Variants in AXIN1 observed in about 807,000 individuals in gnomAD.
AXIN1 encodes the protein axin 1, also known as axin-1.
A neutral mutation model predicts 76.4 loss-of-function variants in AXIN1; 30 were observed. That is an observed-to-expected ratio of 0.39 (90% confidence interval 0.29 to 0.53). The LOEUF (loss-of-function observed/expected upper bound fraction) is 0.53, where lower values mean the gene tolerates loss of function less well. Among genes scored for constraint, AXIN1 ranks in the 20% least tolerant of loss-of-function variants. The probability of loss-of-function intolerance (pLI) is 0.66; values close to 1 mark genes in which losing one functional copy is unlikely to be tolerated. For synonymous variants in AXIN1, 545 were observed against 501.4 expected, an observed-to-expected ratio of 1.09 and a Z score of -1.16; for missense variants, 1,140 against 1,198.8, an observed-to-expected ratio of 0.95 and a Z score of 0.72.
intron 4 of AXIN1, among the ~76,000 whole-genome samples, chr16:307,056 C>T (rs2053047050): frequency 6.6e-6 from 1 of 152,220 alleles, no homozygotes; most frequent in South Asian, 2.1e-4. Context: ...GTGGGAGTGG[C>T]ACACACAGGA....
At chr16:308,039 T>C (rs543249509) in intron 4 of AXIN1, among the ~76,000 whole-genome samples, 1 of 152,316 alleles carries the variant, frequency 6.6e-6, no homozygotes, top group Non-Finnish European at 1.5e-5. Flanking sequence ...GAGCCTCCGA[T>C]GAGGTTGTTT....
At chr16:333,810 C>G (rs1001087360) in intron 2 of AXIN1, among the ~76,000 whole-genome samples, 2 of 151,978 alleles carry the variant, frequency 1.3e-5, no homozygotes, top group African/African-American at 2.4e-5. Context: ...CACGAGGTAC[C>G]ACAGCATGCC....
chr16:290,883 T>C (rs1198647529), intron 9 of AXIN1: 1 of 479,776 alleles, frequency 2.1e-6, no homozygotes, highest in African/African-American at 2.0e-5. Flanking sequence ...CGCAGGCAGG[T>C]CTCTGCCCCA....
At chr16:341,237 G>A (rs2053912058) in intron 2 of AXIN1, among the ~76,000 whole-genome samples, 1 of 152,274 alleles carries the variant, frequency 6.6e-6, no homozygotes, top group Non-Finnish European at 1.5e-5. Flanking sequence ...GCCGGAGCCG[G>A]CTCCCTCAGC....
chr16:295,373 G>C lies in AXIN1; in HGVS notation c.1956-1655C>G, dbSNP rs553385879. Among the ~76,000 whole-genome samples, 572 of 151,966 alleles carry C rather than the reference G, an allele frequency of 3.8e-3. 4 individuals are homozygous for C. Among genetic ancestry groups the C allele is most frequent in the Non-Finnish European group, 6.4e-3 (435 of 67,984 alleles). On this transcript the variant is annotated intron_variant, in intron 7 of 10. Transcript: ENST00000262320. ...GATCCACCTGCCTCGGCCTCCCAAA[G>C]TGCTGGGATGAGGCTTCTTTTTTTA...
intron 5 of AXIN1, among the ~76,000 whole-genome samples, chr16:304,029 A>G (rs980180864): frequency 6.6e-6 from 1 of 152,194 alleles, no homozygotes; most frequent in African/African-American, 2.4e-5. Flanking sequence ...GATCAGGTAC[A>G]CAGCAGGCAG....
At chr16:309,203 G>A (rs1028519968) in intron 4 of AXIN1, among the ~76,000 whole-genome samples, 47 of 151,992 alleles carry the variant, frequency 3.1e-4, no homozygotes, top group African/African-American at 1.1e-3. Flanking sequence ...GGTGGCAGGC[G>A]CCTGTACTCC....
intron 2 of AXIN1, among the ~76,000 whole-genome samples, chr16:335,630 C>A (rs1470791668): frequency 6.6e-6 from 1 of 151,924 alleles, no homozygotes; most frequent in Non-Finnish European, 1.5e-5. Context: ...CACCCAATAA[C>A]AGCACCCAGT....
In AXIN1 at chr16:297,784, C is replaced by T. The variant is rs375778322; in HGVS notation, c.1722G>A (p.Arg574=). 12 of 1,572,560 alleles carry T rather than the reference C, an allele frequency of 7.6e-6. No individual in the cohort carries two copies. In the African/African-American group the frequency reaches 1.1e-4, roughly 14 times the overall value. The change falls in exon 6 of 11, where the codon AGG becomes AGA. Residue 574 remains arginine (R), a synonymous_variant. Coordinates refer to ENST00000262320, the MANE Select transcript of AXIN1 (RefSeq NM_003502.4). Reference sequence around the variant, plus strand: ...CAACACTCTCTGAGTAGCCTCGGGACCTTGCCCCATGGCTGTGTGGTTCCA... The same window carrying T: ...CAACACTCTCTGAGTAGCCTCGGGATCTTGCCCCATGGCTGTGTGGTTCCA... ...WGLEPHSHGA[R]SRGYSESVGA... is the part of the protein sequence containing the mutation.
Position 287,934 on chromosome 16 carries a change from A to G in AXIN1, c.*188T>C, listed in dbSNP as rs887245612. On this transcript the variant is annotated 3_prime_UTR_variant, in exon 11 of 11. Coordinates refer to ENST00000262320, the MANE Select transcript of AXIN1 (RefSeq NM_003502.4). ...TGGTCCAGGCTGCCTCCTTGGGGGC[A>G]GGACAGAAGCTTGTGGACCACTTGG... The G allele has an allele frequency of 2.2e-6, 2 of 925,476 alleles. No individual in the cohort carries two copies. The highest frequency in any genetic ancestry group is 3.4e-6 in the Non-Finnish European group (2 of 591,180). The allele number at this position is 925,476 out of a possible 1,614,324, so 57.3% of individuals were successfully genotyped here. A position where few individuals can be genotyped will look rare whatever the true frequency, so the allele number is the denominator to read the frequency against.
intron 10 of AXIN1, among the ~76,000 whole-genome samples, chr16:288,599 C>G (rs1022992998): frequency 5.9e-5 from 9 of 152,340 alleles, no homozygotes; most frequent in Non-Finnish European, 1.2e-4. Flanking sequence ...CCAACTGGGG[C>G]CCTCCCTCAG....
intron 2 of AXIN1, among the ~76,000 whole-genome samples, chr16:327,400 G>A (rs1464292439): frequency 6.6e-6 from 1 of 152,244 alleles, no homozygotes; most frequent in Non-Finnish European, 1.5e-5. Flanking sequence ...CAGGCACCAG[G>A]CAGGAGCTTC....
intron 1 of AXIN1, 66 bp downstream of exon 1, chr16:352,303 C>A (rs1418169325): frequency 2.0e-5 from 19 of 927,982 alleles, no homozygotes; most frequent in Non-Finnish European, 2.3e-5. Context: ...CGCCCCCCGC[C>A]GCTTCCGGGT....
At chr16:334,262 T>C (rs1143873) in intron 2 of AXIN1, among the ~76,000 whole-genome samples, 144,527 of 144,854 alleles carry the variant, frequency 1, 72,103 homozygotes, top group Middle Eastern at 1. Flanking sequence ...AGTACCACAG[T>C]ACACCAATAA....
In AXIN1 at chr16:298,132, C is replaced by T. The variant is rs994094846; in HGVS notation, c.1374G>A (p.Gly458=). 1.9e-6 allele frequency: 3 copies of T among 1,543,868 alleles called. No homozygotes were observed. Among genetic ancestry groups the T allele is most frequent in the Non-Finnish European group, 2.6e-6 (3 of 1,147,866 alleles). The part of the protein sequence containing the change: ...PPRCVDMGCA[G]LRDAHEENPE... ...GGTTCTCCTCGTGTGCATCCCGGAG[C>T]CCGGCACAGCCCATGTCCACACAGC... is the stretch of plus-strand genomic sequence containing the variant. Residue 458 remains glycine, a synonymous_variant, in exon 6 of 11, where the codon GGG becomes GGA. Transcript: ENST00000262320.
rs115384594 is a variant in AXIN1 at position 347,646 on chromosome 16, T to C, written c.-81-540A>G. On this transcript the variant is annotated intron_variant, in intron 1 of 10. Transcript: ENST00000262320. ...CCACGTCCTCCAGGCCCACGGCCACTGTTTTCTACCTGCTGCATCACGTCA... is the reference window on the plus strand; with the variant it reads ...CCACGTCCTCCAGGCCCACGGCCACCGTTTTCTACCTGCTGCATCACGTCA... 3.5e-3 allele frequency among the ~76,000 whole-genome samples: 539 copies of C among 152,350 alleles called. 8 individuals carry two copies. Among genetic ancestry groups the C allele is most frequent in the African/African-American group, 0.012 (513 of 41,574 alleles).
At chr16:318,555 C>T (rs570709671) in intron 2 of AXIN1, among the ~76,000 whole-genome samples, 1 of 152,328 alleles carries the variant, frequency 6.6e-6, no homozygotes, top group South Asian at 2.1e-4. Flanking sequence ...GCAGATGCGA[C>T]CAAGAACGTT....
rs201968411 is a variant in AXIN1, at chr16:304,424, C to T, written c.1134G>A (p.Pro378=). 5.1e-5 allele frequency: 83 copies of T among 1,612,624 alleles called. No homozygotes were observed. Among genetic ancestry groups the T allele is most frequent in the South Asian group, 7.7e-5 (7 of 91,090 alleles). ...TCTGAGGCTCCACGCGGACCTCCTT[C>T]GGCACCCGGTACGTGCGCTGCGAGG... is the stretch of plus-strand genomic sequence containing the variant. ...LPHIPRTYRV[P]KEVRVEPQKF... is the part of the protein sequence containing the mutation. The change falls in exon 5 of 11, where the codon CCG becomes CCA. Residue 378 remains proline (P), a synonymous_variant. Coordinates refer to ENST00000262320, the MANE Select transcript of AXIN1 (RefSeq NM_003502.4).
At chr16:323,776 C>CCACACACACACACACACACA (rs10673343) in intron 2 of AXIN1, among the ~76,000 whole-genome samples, 22 of 148,394 alleles carry the variant, frequency 1.5e-4, no homozygotes, top group African/African-American at 5.5e-4. Context: ...TGAGACTCCA[C>CCACACACACACACACACACA]CACACACACA....
Sources: allele counts gnomAD v4.1 joint callset (sites outside exome capture counted in the v4.1 genomes callset), GRCh38; gene constraint gnomAD v4.1.1; transcripts MANE v1.5; gene names NCBI Gene and HGNC (gene_info 2026-07-23, HGNC 2026-07-21).